APOOL: variants seen among roughly 807,000 people sequenced by gnomAD.
The protein encoded by APOOL is apolipoprotein O like, also known as MICOS complex subunit MIC27.
APOOL carries 12 observed loss-of-function variants against 23.1 expected under a neutral mutation model. That is an observed-to-expected ratio of 0.52 (90% CI 0.33 to 0.84). APOOL has a LOEUF of 0.84. Ranked by LOEUF, APOOL falls within the 40% of genes least tolerant of loss-of-function variation. APOOL has a pLI of 0.02. For synonymous variants in APOOL, 77 were observed against 69.9 expected, an observed-to-expected ratio of 1.10 and a Z score of -0.51; for missense variants, 212 against 199.6, an observed-to-expected ratio of 1.06 and a Z score of -0.37.
intron 1 of APOOL, among the ~76,000 whole-genome samples, chrX:85,042,001 C>T (rs1922414762): frequency 9.0e-6 from 1 of 111,316 alleles, no homozygotes; most frequent in Non-Finnish European, 1.9e-5. Context: ...GAGCAGCATA[C>T]ACTGGCTGCT....
intron 3 of APOOL, among the ~76,000 whole-genome samples, chrX:85,053,950 C>G (rs761552568): frequency 9.6e-4 from 107 of 111,440 alleles, no homozygotes; most frequent in African/African-American, 3.3e-3. Flanking sequence ...CTCCACAAAT[C>G]ATTATGTTGT....
chrX:85,027,948 A>G (rs2080909458), intron 1 of APOOL, among the ~76,000 whole-genome samples: 2 of 111,904 alleles, frequency 1.8e-5, no homozygotes, highest in African/African-American at 6.5e-5. Flanking sequence ...AGCTGCTACA[A>G]ACAATTGTGT....
intron 1 of APOOL, among the ~76,000 whole-genome samples, chrX:85,004,722 C>T (rs1415421345): frequency 1.8e-5 from 2 of 111,879 alleles, no homozygotes; most frequent in Non-Finnish European, 3.8e-5. Context: ...AACTTGCCAC[C>T]TCAAGCCTGG....
At chrX:85,027,245 AAAC>A (rs1921874637) in intron 1 of APOOL, among the ~76,000 whole-genome samples, 1 of 110,869 alleles carries the variant, frequency 9.0e-6, no homozygotes, top group African/African-American at 3.3e-5. Flanking sequence ...ACAGACTTTT[AAAC>A]AACAAGATTT....
intron 6 of APOOL, among the ~76,000 whole-genome samples, chrX:85,068,683 G>T (rs1377127362): frequency 9.0e-6 from 1 of 111,323 alleles, no homozygotes; most frequent in Non-Finnish European, 1.9e-5. Flanking sequence ...TGGGATTACA[G>T]GCGTGAGCCA....
At chrX:85,021,863 T>C (rs1365280690) in intron 1 of APOOL, among the ~76,000 whole-genome samples, 1 of 111,899 alleles carries the variant, frequency 8.9e-6, no homozygotes, top group Non-Finnish European at 1.9e-5. Flanking sequence ...TTAGCTAGAC[T>C]CAGTTCTAAA....
At position 85,007,301 on chromosome X, in the gene APOOL, T is replaced by C. The variant is rs1921112191; in HGVS notation, c.15+3374T>C. ...GGAGGGGAAGAGGAGACAGTGGGGT[T>C]GCTCCAATGCTGAGTGTTGTCAAAG... On this transcript the variant is annotated intron_variant, in intron 1 of 8. Transcript: ENST00000373173. 3.6e-5 allele frequency among the ~76,000 whole-genome samples: 4 copies of C among 111,181 alleles called. No individual in the cohort carries two copies. The Admixed American group carries it at 3.8e-4, about 11-fold the overall frequency.
chrX:85,028,576 ATTAAG>A (rs1194926663), intron 1 of APOOL, among the ~76,000 whole-genome samples: 1 of 111,005 alleles, frequency 9.0e-6, no homozygotes, highest in Non-Finnish European at 1.9e-5. Context: ...AAAATGAACA[ATTAAG>A]TTATTATTGA....
chrX:85,058,222 G>A (rs888320214), intron 5 of APOOL, among the ~76,000 whole-genome samples: 7 of 109,712 alleles, frequency 6.4e-5, no homozygotes, highest in South Asian at 3.9e-4. Flanking sequence ...ATGTTCTTCC[G>A]CCCCCACCCT....
In APOOL at chrX:85,088,723, A is replaced by C. The variant is rs1019596689; in HGVS notation, c.*1045A>C. ...TTCAGCCATGCATCCCCCTTTTCTA[A>C]GACATGCTTCTCTTTGTGTTCTTGA... On this transcript the variant is annotated 3_prime_UTR_variant, in exon 9 of 9. Coordinates refer to ENST00000373173, the MANE Select transcript of APOOL (RefSeq NM_198450.6). 4.5e-5 allele frequency: 5 copies of C among 110,601 alleles called. No homozygotes were observed. Among genetic ancestry groups the C allele is most frequent in the Non-Finnish European group, 7.6e-5 (4 of 52,911 alleles). 9.1% of individuals were successfully genotyped at this position (110,601 alleles called of 1,213,427 possible).
At chrX:85,022,874 G>A (rs751039937) in intron 1 of APOOL, among the ~76,000 whole-genome samples, 1 of 111,761 alleles carries the variant, frequency 8.9e-6, no homozygotes, top group Non-Finnish European at 1.9e-5. Flanking sequence ...GTTGGAGGTG[G>A]GTCCTCATGG....
At chrX:85,029,272 C>G (rs930759272) in intron 1 of APOOL, among the ~76,000 whole-genome samples, 1 of 111,401 alleles carries the variant, frequency 9.0e-6, no homozygotes, top group Non-Finnish European at 1.9e-5. Context: ...CATATAAAAG[C>G]TATATAACTT....
At chrX:85,020,231 A>G (rs996792018) in intron 1 of APOOL, among the ~76,000 whole-genome samples, 3 of 111,790 alleles carry the variant, frequency 2.7e-5, no homozygotes, top group Admixed American at 9.4e-5. Context: ...AGATCCCTCC[A>G]TATACGAAAT....
chrX:85,032,514 C>CAA (rs147357908), intron 1 of APOOL, among the ~76,000 whole-genome samples: 1 of 66,617 alleles, frequency 1.5e-5, no homozygotes, highest in Admixed American at 1.7e-4. Context: ...AATTCCTTCT[C>CAA]AAAAAAAAAA....
In APOOL at chrX:85,046,090, T is replaced by C. The variant is rs370716686; in HGVS notation, c.16-356T>C. On this transcript the variant is annotated intron_variant, in intron 1 of 8. Coordinates refer to ENST00000373173, the MANE Select transcript of APOOL (RefSeq NM_198450.6). ...CCAGAGTCTGGCACATAGTAGGTGT[T>C]CAATTGATGTTTGTGGACTGAATGA... Among the ~76,000 whole-genome samples, 8 of 111,604 alleles carry C rather than the reference T, an allele frequency of 7.2e-5. No homozygotes were observed. In the South Asian group the frequency reaches 2.2e-3, roughly 31 times the overall value.
intron 1 of APOOL, among the ~76,000 whole-genome samples, chrX:85,008,650 C>T (rs1276450774): frequency 1.9e-5 from 2 of 108,015 alleles, no homozygotes; most frequent in African/African-American, 6.8e-5. Context: ...CATGTTTTGG[C>T]TGTTGTGAAT....
intron 1 of APOOL, among the ~76,000 whole-genome samples, chrX:85,017,387 T>G (rs998902230): frequency 8.9e-6 from 1 of 111,814 alleles, no homozygotes; most frequent in Non-Finnish European, 1.9e-5. Context: ...AGGCAGCCTG[T>G]GCACAGAGCT....
At chrX:85,057,542 G>T (rs1198218176) in intron 5 of APOOL, among the ~76,000 whole-genome samples, 1 of 104,315 alleles carries the variant, frequency 9.6e-6, no homozygotes, top group Admixed American at 1.1e-4. Context: ...ATGCTAGAAT[G>T]TTCTTATTGT....
intron 5 of APOOL, among the ~76,000 whole-genome samples, chrX:85,061,150 T>C (rs997295984): frequency 1.8e-5 from 2 of 111,808 alleles, no homozygotes; most frequent in African/African-American, 6.5e-5. Context: ...ATGTGGTTTT[T>C]GTCTTTGGTT....
Sources: allele counts gnomAD v4.1 joint callset (sites outside exome capture counted in the v4.1 genomes callset), GRCh38; gene constraint gnomAD v4.1.1; transcripts MANE v1.5; gene names NCBI Gene and HGNC (gene_info 2026-07-23, HGNC 2026-07-21).